Variants in NSMCE2 observed in about 807,000 individuals in gnomAD.
NSMCE2 encodes the protein E3 SUMO-protein ligase NSE2.
In NSMCE2, 24 loss-of-function variants were observed where a neutral mutation model predicts 23.8. The observed-to-expected ratio is 1.01, with a 90% CI of 0.73 to 1.42. NSMCE2 has a LOEUF of 1.42. Among genes scored for constraint, NSMCE2 ranks in the 40% most tolerant of loss-of-function variants. The pLI, the probability that NSMCE2 is intolerant of heterozygous loss-of-function variation, is 0.00. For synonymous variants in NSMCE2, 92 were observed against 94.1 expected, an observed-to-expected ratio of 0.98 and a Z score of 0.13; for missense variants, 284 against 296.5, an observed-to-expected ratio of 0.96 and a Z score of 0.31.
chr8:125,183,791 C>T (rs982301728), intron 5 of NSMCE2, among the ~76,000 whole-genome samples: 2 of 152,118 alleles, frequency 1.3e-5, no homozygotes, highest in East Asian at 1.9e-4. Flanking sequence ...ACCTGGTCAT[C>T]TCATGGTAAT....
intron 5 of NSMCE2, among the ~76,000 whole-genome samples, chr8:125,262,918 G>A (rs1826757457): frequency 1.4e-5 from 1 of 72,540 alleles, no homozygotes; most frequent in South Asian, 3.3e-4. Flanking sequence ...GACCATTTCA[G>A]TGCCTCCGCG....
chr8:125,143,975 C>G (rs1306540361), intron 3 of NSMCE2, among the ~76,000 whole-genome samples: 1 of 151,854 alleles, frequency 6.6e-6, no homozygotes, highest in African/African-American at 2.4e-5. Context: ...AAACAGAGAG[C>G]AAAGCAAAAT....
chr8:125,192,214 T>C (rs1823381064), intron 5 of NSMCE2, among the ~76,000 whole-genome samples: 1 of 152,196 alleles, frequency 6.6e-6, no homozygotes, highest in Admixed American at 6.5e-5. Flanking sequence ...AATTATCTTG[T>C]TGAGTTATAA....
intron 5 of NSMCE2, among the ~76,000 whole-genome samples, chr8:125,276,859 T>C (rs894764178): frequency 6.6e-6 from 1 of 152,244 alleles, no homozygotes; most frequent in African/African-American, 2.4e-5. Flanking sequence ...CCATCTCTTC[T>C]GGAAAGCCTT....
chr8:125,362,522 T>C (rs1162185911), intron 7 of NSMCE2, among the ~76,000 whole-genome samples: 1 of 152,198 alleles, frequency 6.6e-6, no homozygotes, highest in Non-Finnish European at 1.5e-5. Context: ...CGGCAGGACC[T>C]GAAGTGAACT....
At chr8:125,274,039 A>G (rs1334711421) in intron 5 of NSMCE2, among the ~76,000 whole-genome samples, 1 of 152,126 alleles carries the variant, frequency 6.6e-6, no homozygotes, top group African/African-American at 2.4e-5. Context: ...TGTGCTGCAG[A>G]TGATTCACCT....
At chr8:125,354,573 C>T (rs1009690782) in intron 5 of NSMCE2, among the ~76,000 whole-genome samples, 15 of 152,084 alleles carry the variant, frequency 9.9e-5, no homozygotes, top group African/African-American at 3.6e-4. Flanking sequence ...CTGGAAGCCC[C>T]GAGGCACTGC....
At chr8:125,200,425 A>C (rs886481099) in intron 5 of NSMCE2, among the ~76,000 whole-genome samples, 1 of 152,076 alleles carries the variant, frequency 6.6e-6, no homozygotes, top group Non-Finnish European at 1.5e-5. Flanking sequence ...TTTCTCCTTC[A>C]CTTATGAAGC....
intron 5 of NSMCE2, among the ~76,000 whole-genome samples, chr8:125,330,200 A>T (rs1829823484): frequency 4.0e-5 from 5 of 125,616 alleles, no homozygotes; most frequent in East Asian, 2.4e-4. Context: ...TTTTTTTGAG[A>T]CAGTCTCTCT....
At chr8:125,159,711 T>G (rs1821503635) in intron 4 of NSMCE2, among the ~76,000 whole-genome samples, 1 of 152,110 alleles carries the variant, frequency 6.6e-6, no homozygotes, top group South Asian at 2.1e-4. Flanking sequence ...GAGTTGCTTA[T>G]TAGTCTCAAA....
intron 5 of NSMCE2, among the ~76,000 whole-genome samples, chr8:125,199,873 A>G (rs533002459): frequency 5.3e-5 from 8 of 152,154 alleles, no homozygotes; most frequent in African/African-American, 1.7e-4. Flanking sequence ...TGTTGGGTGC[A>G]TATATATTTA....
intron 5 of NSMCE2, among the ~76,000 whole-genome samples, chr8:125,235,100 G>A (rs577027764): frequency 6.6e-6 from 1 of 152,168 alleles, no homozygotes; most frequent in African/African-American, 2.4e-5. Flanking sequence ...ACAAAAATTG[G>A]TGTGTTGGCA....
At chr8:125,149,321 A>T (rs1820862256) in intron 3 of NSMCE2, among the ~76,000 whole-genome samples, 1 of 152,200 alleles carries the variant, frequency 6.6e-6, no homozygotes, top group African/African-American at 2.4e-5. Context: ...AACTATTATA[A>T]AATTAAAGCA....
chr8:125,183,188 G>A (rs959263205), intron 5 of NSMCE2, among the ~76,000 whole-genome samples: 13 of 152,136 alleles, frequency 8.5e-5, no homozygotes, highest in African/African-American at 9.7e-5. Context: ...GCTTAATGTA[G>A]GGATTCGTAT....
rs34213706 is a variant in NSMCE2 at position 125,334,772 on chromosome 8, C to CTT, written c.419-22420_419-22419dup. On this transcript the variant is annotated intron_variant, in intron 5 of 7. Transcript: ENST00000287437. ...CAAAAAAGATTATGAAGTATCTTTT[C>CTT]TTTTTTTTTTTTTTTTTTTTTTTTT... 3.4e-3 allele frequency among the ~76,000 whole-genome samples: 189 copies of CTT among 55,878 alleles called. 34 individuals are homozygous for CTT. Among genetic ancestry groups the CTT allele is most frequent in the African/African-American group, 0.012 (162 of 13,262 alleles). 36.7% of individuals were successfully genotyped at this position (55,878 alleles called of 152,430 possible).
At chr8:125,295,404 A>T (rs1828282674) in intron 5 of NSMCE2, among the ~76,000 whole-genome samples, 2 of 152,210 alleles carry the variant, frequency 1.3e-5, no homozygotes, top group South Asian at 2.1e-4. Flanking sequence ...TTAAAAGTTG[A>T]AGAGAATTCA....
intron 4 of NSMCE2, among the ~76,000 whole-genome samples, chr8:125,172,902 C>G (rs928204132): frequency 6.6e-6 from 1 of 152,162 alleles, no homozygotes; most frequent in African/African-American, 2.4e-5. Context: ...TGACGTTTAT[C>G]TGACAACACT....
At chr8:125,171,223 T>C (rs1050150583) in intron 4 of NSMCE2, among the ~76,000 whole-genome samples, 5 of 152,220 alleles carry the variant, frequency 3.3e-5, no homozygotes, top group African/African-American at 4.8e-5. Flanking sequence ...GTTACGTATT[T>C]TCTTATTATT....
At chr8:125,283,235 G>T (rs940974059) in intron 5 of NSMCE2, among the ~76,000 whole-genome samples, 3 of 152,154 alleles carry the variant, frequency 2.0e-5, no homozygotes, top group Non-Finnish European at 4.4e-5. Flanking sequence ...TTTTAATTAA[G>T]AAAACACTGA....
Sources: gnomAD v4.1 joint callset for allele counts (sites outside exome capture counted in the v4.1 genomes callset) on GRCh38, gnomAD v4.1.1 for gene constraint, MANE v1.5 for transcripts, NCBI Gene and HGNC (gene_info 2026-07-23, HGNC 2026-07-21) for gene names.